INPP4B: variants seen among roughly 807,000 people sequenced by gnomAD.
INPP4B encodes inositol polyphosphate 4-phosphatase type II.
In INPP4B, 55 loss-of-function variants were observed where a neutral mutation model predicts 122.5. The ratio of observed to expected loss-of-function variants is 0.45; its 90% confidence interval spans 0.36 to 0.56. INPP4B has a LOEUF of 0.56. INPP4B is among the 20% of genes least tolerant of loss of function. INPP4B has a pLI of 0.00. For missense variants in INPP4B, 1,000 were observed against 1,097.7 expected, an observed-to-expected ratio of 0.91 and a Z score of 1.26; for synonymous variants, 403 against 388.7, an observed-to-expected ratio of 1.04 and a Z score of -0.43.
chr4:142,429,565 C>A (rs979710783), intron 4 of INPP4B, among the ~76,000 whole-genome samples: 1 of 151,988 alleles, frequency 6.6e-6, no homozygotes, highest in African/African-American at 2.4e-5. Flanking sequence ...TAAAGAACCC[C>A]CTTACCAAAA....
chr4:142,175,930 A>T (rs1468283193), intron 15 of INPP4B, among the ~76,000 whole-genome samples: 1 of 152,012 alleles, frequency 6.6e-6, no homozygotes, highest in Admixed American at 6.6e-5. Context: ...TTACAGACCC[A>T]ATGCAGAGTC....
In INPP4B at chr4:142,633,359, C is replaced by T. The variant is rs1748406869; in HGVS notation, c.-191+92480G>A. Reference sequence around the variant, plus strand: ...GACCAAATAAATAAATAAGTAAATGCTGAAGATAAATGCAAGTAGAAGAAC... The same window carrying T: ...GACCAAATAAATAAATAAGTAAATGTTGAAGATAAATGCAAGTAGAAGAAC... On this transcript the variant is annotated intron_variant, in intron 2 of 25. Transcript: ENST00000262992. Among the ~76,000 whole-genome samples, 4 of 152,036 alleles carry T rather than the reference C, an allele frequency of 2.6e-5. No homozygotes were observed. In the South Asian group the frequency reaches 8.3e-4, roughly 32 times the overall value.
At chr4:142,047,881 C>T (rs1752422884) in intron 25 of INPP4B, among the ~76,000 whole-genome samples, 1 of 152,066 alleles carries the variant, frequency 6.6e-6, no homozygotes, top group Admixed American at 6.6e-5. Flanking sequence ...CTTTCTCAAC[C>T]TGCCACTGTG....
intron 7 of INPP4B, among the ~76,000 whole-genome samples, chr4:142,346,453 C>CA (rs1405038116): frequency 6.6e-6 from 1 of 151,746 alleles, no homozygotes; most frequent in Non-Finnish European, 1.5e-5. Flanking sequence ...TGAAATTAGA[C>CA]TAGAAAAAGT....
intron 2 of INPP4B, among the ~76,000 whole-genome samples, chr4:142,465,294 T>C (rs72724594): frequency 0.014 from 2,161 of 152,274 alleles, 21 homozygotes; most frequent in Middle Eastern, 0.037. Flanking sequence ...TCCCATCATG[T>C]AGCAAGAACC....
intron 1 of INPP4B, among the ~76,000 whole-genome samples, chr4:142,736,238 T>G (rs1317382601): frequency 6.6e-6 from 1 of 152,226 alleles, no homozygotes; most frequent in African/African-American, 2.4e-5. Flanking sequence ...TTGCTTTAGA[T>G]GACATAGTGC....
At chr4:142,677,890 A>C (rs1292188203) in intron 2 of INPP4B, among the ~76,000 whole-genome samples, 1 of 152,026 alleles carries the variant, frequency 6.6e-6, no homozygotes, top group African/African-American at 2.4e-5. Flanking sequence ...TACCTAGTGT[A>C]GATGACGGGT....
chr4:142,068,987 A>G (rs1290738766), intron 25 of INPP4B, among the ~76,000 whole-genome samples: 1 of 152,210 alleles, frequency 6.6e-6, no homozygotes, highest in Non-Finnish European at 1.5e-5. Flanking sequence ...CAGACCTAAT[A>G]GACATCTACA....
At chr4:142,584,645 A>AG (rs201930040) in intron 2 of INPP4B, among the ~76,000 whole-genome samples, 2,143 of 152,258 alleles carry the variant, frequency 0.014, 38 homozygotes, top group African/African-American at 0.041. Flanking sequence ...TATTATCTAC[A>AG]TATGACATAT....
At chr4:142,654,678 C>T (rs906089872) in intron 2 of INPP4B, 2 of 152,158 alleles carry the variant, frequency 1.3e-5, no homozygotes, top group African/African-American at 4.8e-5. Flanking sequence ...TAGCTTCTTC[C>T]ATCTAACATT....
rs540311426 is a variant in INPP4B, at chr4:142,313,383, T to C, written c.423+1329A>G. Among the ~76,000 whole-genome samples, 6 of 152,294 alleles carry C rather than the reference T, an allele frequency of 3.9e-5. No individual in the cohort carries two copies. In the South Asian group the frequency reaches 1.2e-3, roughly 32 times the overall value. ...TTGATAGAATAATGTATTCCCCATATTAATACTTTAAAAAGTCTCACATTT... is the reference window on the plus strand; with the variant it reads ...TTGATAGAATAATGTATTCCCCATACTAATACTTTAAAAAGTCTCACATTT... On this transcript the variant is annotated intron_variant, in intron 8 of 25. Coordinates refer to ENST00000262992, the MANE Select transcript of INPP4B (RefSeq NM_001101669.3).
intron 1 of INPP4B, among the ~76,000 whole-genome samples, chr4:142,765,072 G>A (rs1212468596): frequency 6.6e-6 from 1 of 152,128 alleles, no homozygotes; most frequent in African/African-American, 2.4e-5. Flanking sequence ...AAGCCACAGT[G>A]AGGATACAGC....
At chr4:142,824,263 T>C (rs184180494) in intron 1 of INPP4B, among the ~76,000 whole-genome samples, 84 of 152,104 alleles carry the variant, frequency 5.5e-4, no homozygotes, top group South Asian at 1.2e-3. Context: ...ATAAATCCTC[T>C]TTTAACTATC....
At chr4:142,562,846 AT>A (rs894608302) in intron 2 of INPP4B, among the ~76,000 whole-genome samples, 7 of 151,838 alleles carry the variant, frequency 4.6e-5, no homozygotes, top group East Asian at 1.9e-4. Context: ...AGATATTGCT[AT>A]TTTTTTTTCT....
At chr4:142,251,830 T>A (rs1732247015) in intron 11 of INPP4B, among the ~76,000 whole-genome samples, 1 of 152,210 alleles carries the variant, frequency 6.6e-6, no homozygotes, top group Admixed American at 6.5e-5. Context: ...TTAGGGGTTA[T>A]GTATTTGTAA....
intron 1 of INPP4B, among the ~76,000 whole-genome samples, chr4:142,814,079 T>C (rs1469102022): frequency 6.6e-6 from 1 of 152,182 alleles, no homozygotes; most frequent in African/African-American, 2.4e-5. Flanking sequence ...TACTTGGAAG[T>C]AGCTGAAAAA....
chr4:142,413,272 T>C (rs1804986402), intron 5 of INPP4B, among the ~76,000 whole-genome samples: 1 of 152,090 alleles, frequency 6.6e-6, no homozygotes, highest in Non-Finnish European at 1.5e-5. Flanking sequence ...ACAATACGCA[T>C]ATAAGGGAAA....
At chr4:142,219,860 C>T (rs1848675308) in intron 12 of INPP4B, among the ~76,000 whole-genome samples, 1 of 152,082 alleles carries the variant, frequency 6.6e-6, no homozygotes, top group Admixed American at 6.6e-5. Flanking sequence ...AGGTGTTATC[C>T]CTTTTGATAA....
rs189653637 is a variant in INPP4B at position 142,260,463 on chromosome 4, A to T, written c.688+29T>A. 1.2e-5 allele frequency: 16 copies of T among 1,321,534 alleles called. No homozygotes were observed. The African/African-American group carries it at 2.2e-4, about 18-fold the overall frequency. The allele number at this position is 1,321,534 out of a possible 1,614,324, so 81.9% of individuals were successfully genotyped here. ...AAAATTAAAATTCATTTTTGCATGA[A>T]ACTAAGTATTTAAAACTGAGTTACA... On this transcript the variant is annotated intron_variant, in intron 11 of 25. Coordinates refer to ENST00000262992, the MANE Select transcript of INPP4B (RefSeq NM_001101669.3).
Sources: allele counts gnomAD v4.1 joint callset (sites outside exome capture counted in the v4.1 genomes callset), GRCh38; gene constraint gnomAD v4.1.1; transcripts MANE v1.5; gene names NCBI Gene and HGNC (gene_info 2026-07-23, HGNC 2026-07-21).